Variants in MBTD1 observed in about 807,000 individuals in gnomAD.
MBTD1 encodes the protein mbt domain containing 1.
MBTD1 carries 24 observed loss-of-function variants against 87.8 expected under a neutral mutation model. That is an observed-to-expected ratio of 0.27 (90% CI 0.20 to 0.38). MBTD1 has a LOEUF of 0.38. Ranked by LOEUF, MBTD1 falls within the 10% of genes least tolerant of loss-of-function variation. The pLI, the probability that MBTD1 is intolerant of heterozygous loss-of-function variation, is 1.00. For synonymous variants in MBTD1, 237 were observed against 248.6 expected (o/e 0.95, Z 0.44); for missense variants, 436 against 760.2 (o/e 0.57, Z 5.02).
chr17:51,211,320 C>T (rs1326059730), intron 6 of MBTD1, among the ~76,000 whole-genome samples: 2 of 151,540 alleles, frequency 1.3e-5, no homozygotes, highest in East Asian at 1.9e-4. Context: ...GGCGAAACCC[C>T]GTCTTTACTA....
At chr17:51,194,275 A>G (rs1266790098) in intron 13 of MBTD1, among the ~76,000 whole-genome samples, 1 of 152,206 alleles carries the variant, frequency 6.6e-6, no homozygotes, top group Non-Finnish European at 1.5e-5. Flanking sequence ...CATCCTTTTA[A>G]AAGTCCACAT....
chr17:51,177,708 G>T lies in MBTD1; in HGVS notation c.*2868C>A, dbSNP rs182835869. On this transcript the variant is annotated 3_prime_UTR_variant, in exon 17 of 17. Coordinates refer to ENST00000586178, the MANE Select transcript of MBTD1 (RefSeq NM_017643.3). ...CTATATATCAAATACATACAGAAAT[G>T]ATGTAAAAACCTTATGCAGTTTACT... 121 of 152,236 alleles carry T rather than the reference G, an allele frequency of 7.9e-4. No homozygotes were observed. Among genetic ancestry groups the T allele is most frequent in the African/African-American group, 2.2e-3 (93 of 41,548 alleles). 9.4% of individuals were successfully genotyped at this position (152,236 alleles called of 1,614,324 possible).
chr17:51,197,041 GAT>G (rs71149351), intron 12 of MBTD1, among the ~76,000 whole-genome samples: 1 of 87,606 alleles, frequency 1.1e-5, no homozygotes, highest in Non-Finnish European at 2.4e-5. Context: ...ATATATACAA[GAT>G]ATATATATAT....
In MBTD1 at chr17:51,220,314, G is replaced by C. The variant is rs1195514921; in HGVS notation, c.288+16C>G. ...AGAAATAATGGATATAAGTAAGAAA[G>C]TTTCTGTACCGTTACCTGAAGTCTG... On this transcript the variant is annotated intron_variant, in intron 4 of 16. Transcript: ENST00000586178. 1.3e-6 allele frequency: 2 copies of C among 1,539,478 alleles called. No individual in the cohort carries two copies. Among genetic ancestry groups the C allele is most frequent in the East Asian group, 2.5e-5 (1 of 40,778 alleles).
intron 12 of MBTD1, among the ~76,000 whole-genome samples, chr17:51,200,995 A>G (rs2051456505): frequency 6.6e-6 from 1 of 152,092 alleles, no homozygotes; most frequent in East Asian, 1.9e-4. Flanking sequence ...AAAAATAAAA[A>G]TAAGAAAATT....
At chr17:51,252,882 A>G (rs189405719) in intron 2 of MBTD1, among the ~76,000 whole-genome samples, 182 of 152,006 alleles carry the variant, frequency 1.2e-3, no homozygotes, top group Non-Finnish European at 2.1e-3. Context: ...TGTCCACTAT[A>G]AAGTCACTAA....
chr17:51,191,810 T>A (rs147457397), intron 16 of MBTD1: 2 of 182,974 alleles, frequency 1.1e-5, no homozygotes, highest in South Asian at 1.0e-4. Flanking sequence ...CTCGATCTCC[T>A]GACCTTGTGA....
At chr17:51,252,733 C>CA (rs58514235) in intron 2 of MBTD1, among the ~76,000 whole-genome samples, 89,772 of 148,058 alleles carry the variant, frequency 0.61, 27,514 homozygotes, top group Middle Eastern at 0.75. Context: ...GACTCTGTCT[C>CA]AAAAAAAAAC....
Position 51,255,878 on chromosome 17 carries a change from G to T in MBTD1, c.-49+3265C>A, listed in dbSNP as rs569013849. Among the ~76,000 whole-genome samples the T allele has an allele frequency of 5.3e-5, 8 of 152,226 alleles. No individual in the cohort carries two copies. In the East Asian group the frequency reaches 7.7e-4, roughly 15 times the overall value. On this transcript the variant is annotated intron_variant, in intron 2 of 16. Coordinates refer to ENST00000586178, the MANE Select transcript of MBTD1 (RefSeq NM_017643.3). ...CTCTCAAAGTATTGGGATTACAGGC[G>T]TTAGCCAACACACCTGGTTAATATT...
chr17:51,251,493 C>T (rs1281478712), intron 2 of MBTD1: 11 of 152,138 alleles, frequency 7.2e-5, no homozygotes, highest in Non-Finnish European at 1.5e-4. Flanking sequence ...AACCTATGAT[C>T]AATGTTTTGG....
intron 2 of MBTD1, among the ~76,000 whole-genome samples, chr17:51,237,915 G>A (rs577207287): frequency 1.2e-4 from 18 of 152,132 alleles, no homozygotes; most frequent in African/African-American, 2.4e-4. Flanking sequence ...ATTGTGGTAC[G>A]TCCATACAAT....
chr17:51,196,952 ACT>A lies in MBTD1; in HGVS notation c.1225-1593_1225-1592del, dbSNP rs983971201. On this transcript the variant is annotated intron_variant, in intron 12 of 16. Transcript: ENST00000586178. ...TCAAGGTTATAGAGTAGTAGAATAA[ACT>A]CTATTCACCCAGACACTCAATTCAA... Among the ~76,000 whole-genome samples the A allele has an allele frequency of 2.5e-4, 37 of 148,514 alleles. No individual in the cohort carries two copies. In the South Asian group the frequency reaches 6.9e-3, roughly 28 times the overall value.
chr17:51,199,633 G>A (rs553575085), intron 12 of MBTD1, among the ~76,000 whole-genome samples: 115 of 146,422 alleles, frequency 7.9e-4, no homozygotes, highest in African/African-American at 2.7e-3. Context: ...GTAAAGATGG[G>A]GTCTCACCAT....
Position 51,180,513 on chromosome 17 carries a change from G to C in MBTD1, c.*63C>G, listed in dbSNP as rs2050260382. Reference sequence around the variant, plus strand: ...AGTAGAGTAGCCCCCTGTACAGCTGGATTGATTATAAATCAGTCCTGTGTA... The same window carrying C: ...AGTAGAGTAGCCCCCTGTACAGCTGCATTGATTATAAATCAGTCCTGTGTA... On this transcript the variant is annotated 3_prime_UTR_variant, in exon 17 of 17. Transcript: ENST00000586178. 13 of 805,366 alleles carry C rather than the reference G, an allele frequency of 1.6e-5. No homozygotes were observed. Among genetic ancestry groups the C allele is most frequent in the Non-Finnish European group, 2.4e-5 (12 of 495,862 alleles). 49.9% of individuals were successfully genotyped at this position (805,366 alleles called of 1,614,324 possible).
chr17:51,185,517 G>A (rs1294470798), intron 16 of MBTD1: 3 of 152,138 alleles, frequency 2.0e-5, no homozygotes, highest in Non-Finnish European at 1.5e-5. Flanking sequence ...TAAAATGCAG[G>A]TATTGAATTT....
chr17:51,191,516 G>A (rs2145069701), intron 16 of MBTD1: 1 of 151,758 alleles, frequency 6.6e-6, no homozygotes, highest in Non-Finnish European at 1.5e-5. Flanking sequence ...ACTCTAGAAA[G>A]TTTTGCTTTC....
intron 16 of MBTD1, among the ~76,000 whole-genome samples, chr17:51,188,934 T>G (rs1222945897): frequency 6.6e-6 from 1 of 152,016 alleles, no homozygotes; most frequent in Non-Finnish European, 1.5e-5. Flanking sequence ...AATTTTGCAT[T>G]TTTAGTAGAG....
chr17:51,252,876 C>T (rs1486008510), intron 2 of MBTD1, among the ~76,000 whole-genome samples: 1 of 151,760 alleles, frequency 6.6e-6, no homozygotes, highest in Non-Finnish European at 1.5e-5. Context: ...ACTCCCTGTC[C>T]ACTATAAAGT....
At chr17:51,245,424 A>G (rs757886789) in intron 2 of MBTD1, among the ~76,000 whole-genome samples, 16 of 152,100 alleles carry the variant, frequency 1.1e-4, no homozygotes, top group Non-Finnish European at 2.1e-4. Context: ...ATTTCATTGT[A>G]CCTTGATTAT....
Sources: allele counts gnomAD v4.1 joint callset (sites outside exome capture counted in the v4.1 genomes callset), GRCh38; gene constraint gnomAD v4.1.1; transcripts MANE v1.5; gene names NCBI Gene and HGNC (gene_info 2026-07-23, HGNC 2026-07-21).